CYP4X1: variants seen among roughly 807,000 people sequenced by gnomAD.
The protein encoded by CYP4X1 is cytochrome P450 4X1.
CYP4X1 carries 44 observed loss-of-function variants against 57.9 expected under a neutral mutation model. The ratio of observed to expected loss-of-function variants is 0.76; its 90% CI spans 0.60 to 0.98. The LOEUF is 0.98. CYP4X1 is among the 50% of genes least tolerant of loss of function. CYP4X1 has a pLI of 0.00. For synonymous variants in CYP4X1, 227 were observed against 228.6 expected (o/e 0.99, Z 0.06); for missense variants, 532 against 623.9 (o/e 0.85, Z 1.57).
At chr1:47,033,989 G>A (rs1310045921) in intron 4 of CYP4X1, among the ~76,000 whole-genome samples, 1 of 152,252 alleles carries the variant, frequency 6.6e-6, no homozygotes, top group Non-Finnish European at 1.5e-5. Flanking sequence ...CCTGGAACTA[G>A]AGTTAATTGG....
intron 4 of CYP4X1, among the ~76,000 whole-genome samples, chr1:47,033,667 C>T (rs562424142): frequency 5.9e-5 from 9 of 152,206 alleles, no homozygotes; most frequent in Admixed American, 4.6e-4. Context: ...TCATGGAGGG[C>T]GGGTCTGTAC....
At chr1:47,039,635 T>A in intron 8 of CYP4X1, 103 bp downstream of exon 8, 1 of 773,204 alleles carries the variant, frequency 1.3e-6, no homozygotes, top group Non-Finnish European at 1.9e-6. Context: ...AGGATATGTG[T>A]AGGTGAAACA....
chr1:47,055,305 G>A (rs1348757861), downstream of CYP4X1, among the ~76,000 whole-genome samples: 1 of 152,166 alleles, frequency 6.6e-6, no homozygotes, highest in African/African-American at 2.4e-5. Flanking sequence ...TTGATATGTT[G>A]CTGGATTCGG....
At chr1:47,053,294 C>T (rs1328848138), downstream of CYP4X1, among the ~76,000 whole-genome samples, 4 of 152,168 alleles carry the variant, frequency 2.6e-5, no homozygotes, top group Admixed American at 6.5e-5. Context: ...ATATGTGCCA[C>T]ATTTTCTTAA....
rs368453230 is a variant in CYP4X1, at chr1:47,036,219, T to C, written c.775+48T>C. The C allele has an allele frequency of 1.6e-5, 25 of 1,564,400 alleles. No homozygotes were observed. In the African/African-American group the frequency reaches 2.7e-4, roughly 17 times the overall value. On this transcript the variant is annotated intron_variant, in intron 6 of 11. Coordinates refer to ENST00000371901, the MANE Select transcript of CYP4X1 (RefSeq NM_178033.2). ...CCACGTCCATACGCTGCCATGATTG[T>C]ACTGTGTCTGTCTAGAGGGATAAAC...
At chr1:47,029,832 A>C (rs1644107122) in intron 1 of CYP4X1, among the ~76,000 whole-genome samples, 158 bp from the exon 2 acceptor site, 1 of 152,192 alleles carries the variant, frequency 6.6e-6, no homozygotes, top group South Asian at 2.1e-4. Context: ...TTATCCCCCA[A>C]GCTTAGAAGT....
intron 9 of CYP4X1, among the ~76,000 whole-genome samples, chr1:47,046,896 T>C (rs1176051002): frequency 6.6e-6 from 1 of 152,170 alleles, no homozygotes; most frequent in African/African-American, 2.4e-5. Flanking sequence ...AAGATAATCT[T>C]TGTTTGGCTG....
the CYP4X1 span, among the ~76,000 whole-genome samples, chr1:46,995,985 G>A: frequency 6.6e-6 from 1 of 152,174 alleles, no homozygotes; most frequent in African/African-American, 2.4e-5. Flanking sequence ...CATAGTGCCT[G>A]TCTGTGAAAC....
chr1:46,968,685 T>TTGAGTGAGTGAGTGAGTGAG, the CYP4X1 span, among the ~76,000 whole-genome samples: 368 of 151,836 alleles, frequency 2.4e-3, 6 homozygotes, highest in African/African-American at 8.2e-3. Flanking sequence ...CACTCAGTGA[T>TTGAGTGAGTGAGTGAGTGAG]TGAGTGAGTG....
the CYP4X1 span, among the ~76,000 whole-genome samples, chr1:46,981,786 G>C: frequency 6.6e-6 from 1 of 152,224 alleles, no homozygotes; most frequent in Non-Finnish European, 1.5e-5. Context: ...TATACACCAT[G>C]GAATACTATG....
chr1:46,967,858 C>T, the CYP4X1 span: 1 of 1,136,992 alleles, frequency 8.8e-7, no homozygotes, highest in Non-Finnish European at 1.2e-6. Flanking sequence ...AAATTTTTTC[C>T]CAATGCAGGT....
chr1:47,000,516 A>G, the CYP4X1 span, among the ~76,000 whole-genome samples: 2 of 151,930 alleles, frequency 1.3e-5, no homozygotes, highest in African/African-American at 4.8e-5. Context: ...TCCAACTTTG[A>G]CCTCCAGAAC....
In CYP4X1 at chr1:47,048,629, G is replaced by T. The variant is rs752369453; in HGVS notation, c.1272G>T (p.Lys424Asn). Residue 424 changes from lysine (K) to asparagine (N), a missense_variant and splice_region_variant, in exon 10 of 12, where the codon AAG (lysine) becomes AAT (asparagine). Physicochemically the swap from Lys to Asn is moderately conservative, Grantham distance 94. Transcript: ENST00000371901. ...ACCCTGCTGTCTGGAAAAACCCAAA[G>T]GTATGATTCTCTCTTGTACATAAAT... ...HHNPAVWKNP[K>N]VFDPLRFSQE... 1.2e-6 allele frequency: 2 copies of T among 1,611,074 alleles called. No homozygotes were observed. The highest frequency in any genetic ancestry group is 1.1e-5 in the South Asian group (1 of 90,348).
chr1:47,007,348 A>C, the CYP4X1 span, among the ~76,000 whole-genome samples: 1 of 152,242 alleles, frequency 6.6e-6, no homozygotes, highest in African/African-American at 2.4e-5. Context: ...AAACACCAAC[A>C]GACCTGCAGC....
intron 1 of CYP4X1, 119 bp downstream of exon 1, chr1:47,024,113 C>T (rs1644035136): frequency 2.4e-6 from 3 of 1,260,114 alleles, no homozygotes; most frequent in Admixed American, 2.7e-5. Context: ...CCGGCTTGCA[C>T]TGGCCTTTCC....
chr1:47,049,891 G>GAA, intron 11 of CYP4X1, 109 bp from the exon 12 acceptor site: 1 of 1,167,962 alleles, frequency 8.6e-7, no homozygotes, highest in Non-Finnish European at 1.2e-6. Flanking sequence ...GCATTTGGTG[G>GAA]AAAAATATCA....
the CYP4X1 span, among the ~76,000 whole-genome samples, chr1:46,971,090 C>T: frequency 6.6e-6 from 1 of 152,158 alleles, no homozygotes; most frequent in African/African-American, 2.4e-5. Flanking sequence ...CCACTCTCCA[C>T]CCTCAAGTAG....
chr1:46,981,731 A>G, the CYP4X1 span, among the ~76,000 whole-genome samples: 1 of 152,186 alleles, frequency 6.6e-6, no homozygotes, highest in African/African-American at 2.4e-5. Flanking sequence ...TGGAACCAAC[A>G]CAAATGTCCA....
chr1:47,033,471 T>C (rs975116800), intron 4 of CYP4X1, 103 bp downstream of exon 4: 3 of 1,468,338 alleles, frequency 2.0e-6, no homozygotes, highest in Non-Finnish European at 2.7e-6. Context: ...AATCAGTTTC[T>C]AAAAATTTAA....
Sources: allele counts gnomAD v4.1 joint callset (sites outside exome capture counted in the v4.1 genomes callset), GRCh38; gene constraint gnomAD v4.1.1; transcripts MANE v1.5; gene names NCBI Gene and HGNC (gene_info 2026-07-23, HGNC 2026-07-21).